The following GLYR1 variants were observed in gnomAD, a reference collection of about 807,000 sequenced individuals.
GLYR1 encodes the protein cytokine-like nuclear factor N-PAC.
Under a neutral mutation model 72.7 loss-of-function variants are expected in GLYR1, and 21 were observed. The observed-to-expected ratio is 0.29, with a 90% CI of 0.20 to 0.42. GLYR1 has a LOEUF of 0.42. Among genes scored for constraint, GLYR1 ranks in the 10% least tolerant of loss-of-function variants. GLYR1 has a pLI of 1.00. For synonymous variants in GLYR1, 392 were observed against 270.2 expected (o/e 1.45, Z -4.42); for missense variants, 594 against 712.1 (o/e 0.83, Z 1.89).
intron 11 of GLYR1, 117 bp downstream of exon 11, chr16:4,814,420 G>C: frequency 1.3e-6 from 1 of 769,158 alleles, no homozygotes; most frequent in Non-Finnish European, 2.3e-6. Flanking sequence ...CCCCTGATGG[G>C]AAATTCAGCC....
At chr16:4,813,924 G>T in intron 11 of GLYR1, 86 bp from the exon 12 acceptor site, 2 of 1,000,700 alleles carry the variant, frequency 2.0e-6, no homozygotes, top group South Asian at 1.7e-5. Context: ...GAATCCTGCT[G>T]CTGTTTTGGC....
In GLYR1 at chr16:4,803,953, A is replaced by C. The variant is rs1168580386; in HGVS notation, c.*1283T>G. 6.6e-6 allele frequency: 1 copy of C among 152,010 alleles called. No individual in the cohort carries two copies. The highest frequency in any genetic ancestry group is 1.5e-5 in the Non-Finnish European group (1 of 67,974). The allele number at this position is 152,010 out of a possible 1,614,324, so 9.4% of individuals were successfully genotyped here. A position where few individuals can be genotyped will look rare whatever the true frequency, so the allele number is the denominator to read the frequency against. ...CCCCCGGTCCCCTATCCAAGGACAA[A>C]TGTAGGGCCTCTAGGATGTCCCAGA... On this transcript the variant is annotated 3_prime_UTR_variant, in exon 16 of 16. Transcript: ENST00000321919.
chr16:4,817,749 G>C, intron 9 of GLYR1, 52 bp from the exon 10 acceptor site: 1 of 1,106,122 alleles, frequency 9.0e-7, no homozygotes, highest in South Asian at 1.2e-5. Flanking sequence ...GGGTCACGGT[G>C]ATGATGATTC....
rs182445471 is a variant in GLYR1, at chr16:4,807,153, C to T, written c.1588-1843G>A. Among the ~76,000 whole-genome samples, 496 of 148,750 alleles carry T rather than the reference C, an allele frequency of 3.3e-3. 4 individuals are homozygous for T. The highest frequency in any genetic ancestry group is 0.012 in the African/African-American group (465 of 40,024). ...TTGAGACGGAGTCTTGGTCTGTCGC[C>T]CAGGCTGGAGTGCAATGGCACGATC... is the stretch of plus-strand genomic sequence containing the variant. On this transcript the variant is annotated intron_variant, in intron 15 of 15. Transcript: ENST00000321919.
rs770862295 is a variant in GLYR1 at position 4,803,392 on chromosome 16, A to G, written c.*1844T>C. 2 of 152,680 alleles carry G rather than the reference A, an allele frequency of 1.3e-5. No individual in the cohort carries two copies. The highest frequency in any genetic ancestry group is 2.9e-5 in the Non-Finnish European group (2 of 68,052). The allele number at this position is 152,680 out of a possible 1,614,324, so 9.5% of individuals were successfully genotyped here. A position where few individuals can be genotyped will look rare whatever the true frequency, so the allele number is the denominator to read the frequency against. ...ATTTGTCATTTAAAGGTTTAAAGAA[A>G]AAAGGGAGGGGCTTTCTTACAAGCT... is the stretch of plus-strand genomic sequence containing the variant. On this transcript the variant is annotated 3_prime_UTR_variant, in exon 16 of 16. Coordinates refer to ENST00000321919, the MANE Select transcript of GLYR1 (RefSeq NM_032569.4).
chr16:4,814,443 A>G, intron 11 of GLYR1, 94 bp downstream of exon 11: 2 of 902,136 alleles, frequency 2.2e-6, no homozygotes, highest in Non-Finnish European at 3.7e-6. Context: ...CCACATGTGG[A>G]CACTCACTTG....
At chr16:4,832,379 A>G in intron 4 of GLYR1, 158 bp from the exon 5 acceptor site, 1 of 866,410 alleles carries the variant, frequency 1.2e-6, no homozygotes, top group Admixed American at 2.9e-5. Flanking sequence ...CATTGGGAGA[A>G]GCAGATTTAA....
Position 4,804,933 on chromosome 16 carries a change from C to CTATG in GLYR1, c.*302_*303insCATA, listed in dbSNP as rs373831597. The CTATG allele has an allele frequency of 6.7e-6, 2 of 297,430 alleles. No individual in the cohort carries two copies. Among genetic ancestry groups the CTATG allele is most frequent in the Non-Finnish European group, 1.3e-5 (2 of 153,752 alleles). The allele number at this position is 297,430 out of a possible 1,614,324, so 18.4% of individuals were successfully genotyped here. A position where few individuals can be genotyped will look rare whatever the true frequency, so the allele number is the denominator to read the frequency against. ...GCAGCTTCTATCCTGGGGCGAGAGC[C>CTATG]TGTGTGTGTGTGTGTGTGTGTGTGT... On this transcript the variant is annotated 3_prime_UTR_variant, in exon 16 of 16. Transcript: ENST00000321919.
Position 4,845,156 on chromosome 16 carries a change from G to A in GLYR1, c.76-3C>T. On this transcript the variant is annotated splice_region_variant and splice_polypyrimidine_tract_variant and intron_variant, in intron 2 of 15. Coordinates refer to ENST00000321919, the MANE Select transcript of GLYR1 (RefSeq NM_032569.4). ...AAGTCCTTTGGTGGATTAACAATCT[G>A]GAGGATAAAAGGGGGGAAAAAGGTT... The A allele has an allele frequency of 6.2e-7, 1 of 1,612,942 alleles. No homozygotes were observed.
At chr16:4,815,883 G>A (rs1433268567) in intron 10 of GLYR1, among the ~76,000 whole-genome samples, 2 of 151,816 alleles carry the variant, frequency 1.3e-5, no homozygotes, top group Admixed American at 6.6e-5. Context: ...CCAGGTTCAC[G>A]CCATTCTCCT....
intron 5 of GLYR1, among the ~76,000 whole-genome samples, chr16:4,824,780 C>T: frequency 6.6e-6 from 1 of 152,170 alleles, no homozygotes; most frequent in African/African-American, 2.4e-5. Flanking sequence ...AGTTTTAACA[C>T]TGGTCTGGTC....
At chr16:4,820,144 C>A (rs554936358) in intron 9 of GLYR1, among the ~76,000 whole-genome samples, 1 of 152,272 alleles carries the variant, frequency 6.6e-6, no homozygotes, top group East Asian at 1.9e-4. Flanking sequence ...ATTAAAGGCA[C>A]CCACCATCAT....
intron 3 of GLYR1, among the ~76,000 whole-genome samples, chr16:4,842,996 G>T (rs1050230382): frequency 1.3e-5 from 2 of 152,104 alleles, no homozygotes; most frequent in Non-Finnish European, 2.9e-5. Context: ...CACCATGCCC[G>T]ACCATCATTG....
chr16:4,831,360 C>T (rs2084783721), intron 5 of GLYR1, among the ~76,000 whole-genome samples: 1 of 152,208 alleles, frequency 6.6e-6, no homozygotes, highest in East Asian at 1.9e-4. Flanking sequence ...TTCCCGGGCC[C>T]CCACTGACTC....
chr16:4,810,291 G>T (rs2083251555), intron 15 of GLYR1, among the ~76,000 whole-genome samples: 1 of 147,312 alleles, frequency 6.8e-6, no homozygotes, highest in African/African-American at 2.4e-5. Flanking sequence ...GAGGTCAGGA[G>T]TTGGAGAACA....
At chr16:4,838,663 G>A (rs938711097) in intron 3 of GLYR1, among the ~76,000 whole-genome samples, 1 of 150,976 alleles carries the variant, frequency 6.6e-6, no homozygotes, top group Non-Finnish European at 1.5e-5. Context: ...CTCGACTTAC[G>A]GCAAGCTCTG....
At chr16:4,832,580 C>T (rs377469045) in intron 4 of GLYR1, 194 bp downstream of exon 4, 5 of 674,076 alleles carry the variant, frequency 7.4e-6, no homozygotes, top group African/African-American at 3.6e-5. Context: ...AAAGCAACAA[C>T]CTACTCCAGA....
In GLYR1 at chr16:4,813,688, G is replaced by C. The variant is rs954487674; in HGVS notation, c.1119+49C>G. ...CCCACTCTTGTAAGCCTGGGTCTTGGGCTCTGATAGAAAAGATGCTGGAGA... is the reference window on the plus strand; with the variant it reads ...CCCACTCTTGTAAGCCTGGGTCTTGCGCTCTGATAGAAAAGATGCTGGAGA... On this transcript the variant is annotated intron_variant, in intron 12 of 15. Coordinates refer to ENST00000321919, the MANE Select transcript of GLYR1 (RefSeq NM_032569.4). 6 of 1,477,052 alleles carry C rather than the reference G, an allele frequency of 4.1e-6. No homozygotes were observed. In the African/African-American group the frequency reaches 4.2e-5, roughly 10 times the overall value. The allele number at this position is 1,477,052 out of a possible 1,614,324, so 91.5% of individuals were successfully genotyped here.
intron 4 of GLYR1, 68 bp downstream of exon 4, chr16:4,832,706 A>T: frequency 3.3e-6 from 5 of 1,496,038 alleles, no homozygotes; most frequent in Non-Finnish European, 4.5e-6. Flanking sequence ...GGTGACATTT[A>T]ATCTGTTAGT....
Sources: gnomAD v4.1 joint callset for allele counts (sites outside exome capture counted in the v4.1 genomes callset) on GRCh38, gnomAD v4.1.1 for gene constraint, MANE v1.5 for transcripts, NCBI Gene and HGNC (gene_info 2026-07-23, HGNC 2026-07-21) for gene names.